The following RUNX1T1 variants were observed in gnomAD, a reference collection of about 807,000 sequenced individuals.
RUNX1T1 encodes RUNX1 partner transcriptional co-repressor 1.
In RUNX1T1, 4 loss-of-function variants were observed where a neutral mutation model predicts 62.8. The observed-to-expected ratio is 0.06, with a 90% CI of 0.03 to 0.15. RUNX1T1 has a LOEUF of 0.15. RUNX1T1 is among the 10% of genes least tolerant of loss of function. RUNX1T1 has a pLI of 1.00. For synonymous variants in RUNX1T1, 291 were observed against 286.0 expected (o/e 1.02, Z -0.18); for missense variants, 508 against 754.3 (o/e 0.67, Z 3.82).
intron 1 of RUNX1T1, among the ~76,000 whole-genome samples, chr8:92,042,830 A>G (rs181387013): frequency 9.8e-4 from 150 of 152,356 alleles, no homozygotes; most frequent in Admixed American, 1.8e-3. Context: ...ATAAGCATCC[A>G]CTGTTTAAAT....
chr8:91,988,259 A>C (rs1816968066), intron 6 of RUNX1T1, among the ~76,000 whole-genome samples: 1 of 152,152 alleles, frequency 6.6e-6, no homozygotes. Flanking sequence ...CTCAGACTAA[A>C]TAAAAAGCTA....
chr8:91,969,458 C>T (rs1260567732), intron 10 of RUNX1T1, among the ~76,000 whole-genome samples: 1 of 151,320 alleles, frequency 6.6e-6, no homozygotes, highest in East Asian at 2.0e-4. Flanking sequence ...AGGACAAATT[C>T]TCCTCAAAAG....
chr8:91,979,968 A>G, intron 8 of RUNX1T1: 1 of 393,410 alleles, frequency 2.5e-6, no homozygotes, highest in Non-Finnish European at 5.0e-6. Flanking sequence ...TCATGATAAT[A>G]TCTATTACAA....
At chr8:92,043,985 A>G (rs1034319000) in intron 1 of RUNX1T1, among the ~76,000 whole-genome samples, 1 of 151,982 alleles carries the variant, frequency 6.6e-6, no homozygotes. Flanking sequence ...TCTCAAAAAA[A>G]AAAAAAAAAA....
chr8:92,021,666 G>A (rs1451957749), intron 1 of RUNX1T1, among the ~76,000 whole-genome samples: 1 of 151,996 alleles, frequency 6.6e-6, no homozygotes, highest in Admixed American at 6.6e-5. Context: ...AGAAAAAAAT[G>A]CAAAAATGAT....
intron 1 of RUNX1T1, among the ~76,000 whole-genome samples, chr8:92,028,279 A>G (rs1825635228): frequency 6.6e-6 from 1 of 151,740 alleles, no homozygotes; most frequent in South Asian, 2.1e-4. Context: ...AGTTCAATAG[A>G]GCAAATGGTG....
chr8:91,978,018 C>T (rs890418897), intron 8 of RUNX1T1, among the ~76,000 whole-genome samples: 2 of 152,094 alleles, frequency 1.3e-5, no homozygotes, highest in South Asian at 4.1e-4. Context: ...AAACTTCTGA[C>T]GTCAGGTCAC....
At chr8:92,000,852 A>C (rs192812551) in intron 5 of RUNX1T1, among the ~76,000 whole-genome samples, 17 of 152,352 alleles carry the variant, frequency 1.1e-4, no homozygotes, top group Non-Finnish European at 2.4e-4. Flanking sequence ...TAAATGAGGG[A>C]AAGTAAGGTG....
intron 10 of RUNX1T1, among the ~76,000 whole-genome samples, chr8:91,970,044 T>G (rs201148341): frequency 6.9e-3 from 44 of 6,362 alleles, no homozygotes; most frequent in Non-Finnish European, 0.012. Flanking sequence ...GTGTGTGTGT[T>G]GTGTGTGTGT....
intron 2 of RUNX1T1, among the ~76,000 whole-genome samples, chr8:92,068,270 C>A (rs548878180): frequency 2.0e-5 from 3 of 152,182 alleles, no homozygotes; most frequent in Non-Finnish European, 4.4e-5. Flanking sequence ...ATCTCTTATT[C>A]ATTTGACAAG....
intron 5 of RUNX1T1, chr8:92,003,480 T>G (rs1820153845): frequency 2.3e-6 from 1 of 433,948 alleles, no homozygotes; most frequent in South Asian, 1.7e-5. Context: ...ATTTTCAATT[T>G]TGCCTGCAGG....
chr8:92,047,402 C>T (rs1219985777), intron 1 of RUNX1T1, among the ~76,000 whole-genome samples: 3 of 152,100 alleles, frequency 2.0e-5, no homozygotes, highest in Non-Finnish European at 4.4e-5. Context: ...ACAGACCCTC[C>T]TTATCCTGAT....
At chr8:92,040,955 C>T (rs913624603) in intron 1 of RUNX1T1, among the ~76,000 whole-genome samples, 4 of 152,090 alleles carry the variant, frequency 2.6e-5, no homozygotes, top group African/African-American at 9.7e-5. Context: ...ACAATCCTCC[C>T]ACTTCAGCCT....
chr8:92,074,224 A>C (rs1834092948), intron 2 of RUNX1T1, among the ~76,000 whole-genome samples: 2 of 152,190 alleles, frequency 1.3e-5, no homozygotes, highest in African/African-American at 4.8e-5. Context: ...AAATAAATGC[A>C]TTCCAAATTA....
intron 1 of RUNX1T1, among the ~76,000 whole-genome samples, chr8:92,022,126 T>A (rs1488355771): frequency 1.3e-5 from 2 of 151,002 alleles, no homozygotes; most frequent in Admixed American, 1.3e-4. Context: ...CGATATTTTT[T>A]AAAATTCCTC....
At chr8:91,997,717 T>TTG (rs1360114699) in intron 5 of RUNX1T1, among the ~76,000 whole-genome samples, 1 of 152,140 alleles carries the variant, frequency 6.6e-6, no homozygotes, top group African/African-American at 2.4e-5. Context: ...ATCTTGGCCC[T>TTG]TGTCACACCA....
chr8:92,013,059 C>A (rs559934331), intron 3 of RUNX1T1, among the ~76,000 whole-genome samples: 1 of 151,062 alleles, frequency 6.6e-6, no homozygotes, highest in Admixed American at 6.6e-5. Context: ...ATTTATAAGG[C>A]AATTTTCAAA....
At chr8:92,002,402 A>G (rs1470131459) in intron 5 of RUNX1T1, among the ~76,000 whole-genome samples, 1 of 151,402 alleles carries the variant, frequency 6.6e-6, no homozygotes, top group Non-Finnish European at 1.5e-5. Context: ...GTAAATAACA[A>G]TAATGTTTAA....
chr8:92,055,081 C>A (rs1830827839), intron 1 of RUNX1T1, among the ~76,000 whole-genome samples: 2 of 152,096 alleles, frequency 1.3e-5, no homozygotes, highest in African/African-American at 4.8e-5. Flanking sequence ...GTAAGTACAA[C>A]AATTTTAAAC....
Sources: gnomAD v4.1 joint callset for allele counts (sites outside exome capture counted in the v4.1 genomes callset) on GRCh38, gnomAD v4.1.1 for gene constraint, MANE v1.5 for transcripts, NCBI Gene and HGNC (gene_info 2026-07-23, HGNC 2026-07-21) for gene names.